EIF2AK3: variants seen among roughly 807,000 people sequenced by gnomAD.
The protein encoded by EIF2AK3 is eukaryotic translation initiation factor 2-alpha kinase 3.
In EIF2AK3, 50 loss-of-function variants were observed where a neutral mutation model predicts 113.5. That is an observed-to-expected ratio of 0.44 (90% CI 0.35 to 0.56). EIF2AK3 has a LOEUF of 0.56. Ranked by LOEUF, EIF2AK3 falls within the 20% of genes least tolerant of loss-of-function variation. EIF2AK3 has a pLI of 0.00. For synonymous variants in EIF2AK3, 448 were observed against 495.4 expected, an observed-to-expected ratio of 0.90 and a Z score of 1.27; for missense variants, 1,185 against 1,378.0, an observed-to-expected ratio of 0.86 and a Z score of 2.22.
intron 2 of EIF2AK3, among the ~76,000 whole-genome samples, chr2:88,607,341 A>T (rs993533399): frequency 2.0e-5 from 3 of 152,240 alleles, no homozygotes; most frequent in Non-Finnish European, 4.4e-5. Context: ...CACATCTGAA[A>T]ATTAAAAACA....
intron 14 of EIF2AK3, among the ~76,000 whole-genome samples, chr2:88,566,233 AAAATAAAT>A (rs1674120304): frequency 6.6e-6 from 1 of 152,224 alleles, no homozygotes; most frequent in Non-Finnish European, 1.5e-5. Context: ...TGAAGGCCTG[AAAATAAAT>A]TTATCTCCAA....
At chr2:88,593,462 A>G in intron 3 of EIF2AK3, 57 bp from the exon 4 acceptor site, 1 of 1,592,130 alleles carries the variant, frequency 6.3e-7, no homozygotes, top group Non-Finnish European at 8.6e-7. Context: ...ATAATAGATC[A>G]GAGATATTAA....
At chr2:88,613,679 A>G in intron 2 of EIF2AK3, 45 bp downstream of exon 2, 5 of 1,611,128 alleles carry the variant, frequency 3.1e-6, no homozygotes, top group Non-Finnish European at 4.2e-6. Flanking sequence ...GCAATTACTC[A>G]TTAGAATTAA....
At chr2:88,592,385 A>G (rs1251271737) in intron 4 of EIF2AK3, among the ~76,000 whole-genome samples, 2 of 152,216 alleles carry the variant, frequency 1.3e-5, no homozygotes, top group Admixed American at 6.5e-5. Context: ...AGAGAGTCAA[A>G]TAAGTTCAAG....
chr2:88,624,354 T>G (rs193044116), intron 1 of EIF2AK3, among the ~76,000 whole-genome samples: 1 of 152,212 alleles, frequency 6.6e-6, no homozygotes, highest in Non-Finnish European at 1.5e-5. Flanking sequence ...AGTTCGGAGG[T>G]TCCTTCTCCT....
intron 1 of EIF2AK3, among the ~76,000 whole-genome samples, chr2:88,619,955 C>CAAA (rs35076573): frequency 5.0e-5 from 6 of 119,712 alleles, no homozygotes; most frequent in South Asian, 2.8e-4. Context: ...GACTCCGTCT[C>CAAA]AAAAAAAAAA....
chr2:88,599,987 ACTTC>A (rs970729897), intron 2 of EIF2AK3, among the ~76,000 whole-genome samples: 13 of 152,182 alleles, frequency 8.5e-5, no homozygotes, highest in African/African-American at 2.9e-4. Flanking sequence ...TACTGAGAAA[ACTTC>A]CTTATTTTAA....
chr2:88,562,537 C>A, intron 14 of EIF2AK3, 147 bp from the exon 15 acceptor site: 1 of 699,602 alleles, frequency 1.4e-6, no homozygotes. Context: ...GAGTTAATCT[C>A]CCAAGTCTCT....
chr2:88,557,355 C>G lies in EIF2AK3; in HGVS notation c.*381G>C. 1 of 223,908 alleles carries G rather than the reference C, an allele frequency of 4.5e-6. No homozygotes were observed. The highest frequency in any genetic ancestry group is 9.0e-6 in the Non-Finnish European group (1 of 110,846). 13.9% of individuals were successfully genotyped at this position (223,908 alleles called of 1,614,324 possible). On this transcript the variant is annotated 3_prime_UTR_variant, in exon 17 of 17. Coordinates refer to ENST00000303236, the MANE Select transcript of EIF2AK3 (RefSeq NM_004836.7). ...ATCTCTAGAAAGCATATTTCTAGAA[C>G]AATACAGTTACCACACAGGGGGACT...
At chr2:88,588,178 A>G (rs1225643368) in intron 7 of EIF2AK3, 74 bp from the exon 8 acceptor site, 1 of 1,037,144 alleles carries the variant, frequency 9.6e-7, no homozygotes, top group Admixed American at 2.6e-5. Flanking sequence ...ATAAAAATGC[A>G]CGTGCTTAAT....
chr2:88,576,359 C>G (rs1455641603), intron 12 of EIF2AK3, among the ~76,000 whole-genome samples, 195 bp downstream of exon 12: 1 of 152,008 alleles, frequency 6.6e-6, no homozygotes. Flanking sequence ...GGATTACAGG[C>G]ATGAGTCACC....
At chr2:88,611,671 C>T (rs1675459103) in intron 2 of EIF2AK3, among the ~76,000 whole-genome samples, 1 of 152,126 alleles carries the variant, frequency 6.6e-6, no homozygotes, top group Non-Finnish European at 1.5e-5. Context: ...TGCACTGTCG[C>T]CTGGGCTGGT....
Position 88,576,666 on chromosome 2 carries a change from C to CT in EIF2AK3, c.1923dup (p.Ala642SerfsTer6). 5 of 1,614,050 alleles carry CT rather than the reference C, an allele frequency of 3.1e-6. No homozygotes were observed. The highest frequency in any genetic ancestry group is 3.4e-6 in the Non-Finnish European group (4 of 1,180,008). On this transcript the variant is annotated frameshift_variant, in exon 12 of 17. Transcript: ENST00000303236. LOFTEE classifies it high-confidence loss of function. ...CCCGGGTGTTCAAGCTTGGCTAAGG[C>CT]TTTAACTTCTCGCATTACCTTTTCC...
At chr2:88,575,668 T>C (rs1161656100) in intron 12 of EIF2AK3, 2 of 570,790 alleles carry the variant, frequency 3.5e-6, no homozygotes, top group Non-Finnish European at 6.2e-6. Flanking sequence ...ATTTTATACA[T>C]GAAACAGTTA....
At chr2:88,576,777 T>C (rs879675874) in intron 11 of EIF2AK3, 74 bp from the exon 12 acceptor site, 2 of 1,507,918 alleles carry the variant, frequency 1.3e-6, no homozygotes, top group Non-Finnish European at 1.8e-6. Context: ...TTATATGACT[T>C]ATACCCCTAA....
chr2:88,584,528 A>G (rs1025461416), intron 9 of EIF2AK3, among the ~76,000 whole-genome samples: 11 of 52,314 alleles, frequency 2.1e-4, no homozygotes, highest in Non-Finnish European at 3.5e-4. Context: ...CCTGTCTCTG[A>G]AAAAAAAAAA....
intron 14 of EIF2AK3, among the ~76,000 whole-genome samples, chr2:88,563,561 T>C (rs62157768): frequency 0.23 from 35,051 of 152,118 alleles, 4,493 homozygotes; most frequent in Middle Eastern, 0.44. Context: ...TGGCAATAAA[T>C]GTTTACTCCT....
chr2:88,606,922 A>T (rs1207029918), intron 2 of EIF2AK3, among the ~76,000 whole-genome samples: 1 of 152,216 alleles, frequency 6.6e-6, no homozygotes, highest in Non-Finnish European at 1.5e-5. Context: ...AACCTTATCT[A>T]AGTTTAGACG....
intron 14 of EIF2AK3, among the ~76,000 whole-genome samples, chr2:88,565,539 G>A (rs1573385500): frequency 2.0e-5 from 3 of 150,554 alleles, no homozygotes; most frequent in East Asian, 2.0e-4. Flanking sequence ...ATGGGGTTTC[G>A]CCATGTTGCC....
Sources: gnomAD v4.1 joint callset for allele counts (sites outside exome capture counted in the v4.1 genomes callset) on GRCh38, gnomAD v4.1.1 for gene constraint, MANE v1.5 for transcripts, NCBI Gene and HGNC (gene_info 2026-07-23, HGNC 2026-07-21) for gene names.